IL19: variants seen among roughly 807,000 people sequenced by gnomAD.
IL19 encodes the protein interleukin-19.
A neutral mutation model predicts 19.5 loss-of-function variants in IL19; 15 were observed. The ratio of observed to expected loss-of-function variants is 0.77; its 90% CI spans 0.52 to 1.19. The LOEUF is 1.19. Ranked by LOEUF, IL19 falls within the 50% of genes most tolerant of loss-of-function variation. The probability of loss-of-function intolerance (pLI) is 0.00; values close to 1 mark genes in which losing one functional copy is unlikely to be tolerated. For missense variants in IL19, 199 were observed against 213.1 expected, an observed-to-expected ratio of 0.93 and a Z score of 0.41; for synonymous variants, 78 against 78.3, an observed-to-expected ratio of 1.00 and a Z score of 0.02.
chr1:206,819,390 C>A (rs1676238680), intron 2 of IL19, among the ~76,000 whole-genome samples: 1 of 151,816 alleles, frequency 6.6e-6, no homozygotes, highest in Admixed American at 6.6e-5. Flanking sequence ...TCCAGATCAG[C>A]CTGGCCAATA....
Position 206,842,853 on chromosome 1 carries a change from G to T in IL19, c.*231G>T. The T allele has an allele frequency of 2.3e-6, 1 of 441,312 alleles. No homozygotes were observed. Among genetic ancestry groups the T allele is most frequent in the Non-Finnish European group, 4.1e-6 (1 of 245,210 alleles). The allele number at this position is 441,312 out of a possible 1,614,324, so 27.3% of individuals were successfully genotyped here. A position where few individuals can be genotyped will look rare whatever the true frequency, so the allele number is the denominator to read the frequency against. On this transcript the variant is annotated 3_prime_UTR_variant, in exon 7 of 7. Coordinates refer to ENST00000659997, the MANE Select transcript of IL19 (RefSeq NM_153758.5). ...GCCTGCAGGCCATCCTGGGAGTAAA[G>T]GGCTGCCTTCCCATCTAATTTATTG...
At chr1:206,806,255 A>G (rs1329795948) in intron 2 of IL19, among the ~76,000 whole-genome samples, 2 of 152,184 alleles carry the variant, frequency 1.3e-5, no homozygotes, top group African/African-American at 4.8e-5. Flanking sequence ...GACTGCAAAT[A>G]AGGGAAATAT....
At chr1:206,784,898 C>G (rs1290697853) in intron 1 of IL19, among the ~76,000 whole-genome samples, 2 of 152,234 alleles carry the variant, frequency 1.3e-5, no homozygotes, top group Non-Finnish European at 2.9e-5. Context: ...TGTTGGTGTA[C>G]TTGGCTCCTG....
intron 2 of IL19, among the ~76,000 whole-genome samples, chr1:206,826,589 C>G (rs532982338): frequency 6.6e-6 from 1 of 152,320 alleles, no homozygotes; most frequent in African/African-American, 2.4e-5. Flanking sequence ...CCAGTCCACC[C>G]TCTCCTCCTC....
chr1:206,793,894 G>T (rs966990805), intron 1 of IL19, among the ~76,000 whole-genome samples: 3 of 152,170 alleles, frequency 2.0e-5, no homozygotes, highest in Non-Finnish European at 4.4e-5. Flanking sequence ...AAGAAAGAGG[G>T]GCTGAGTAGC....
intron 2 of IL19, among the ~76,000 whole-genome samples, chr1:206,804,328 A>G (rs1675791368): frequency 6.6e-6 from 1 of 152,180 alleles, no homozygotes; most frequent in East Asian, 1.9e-4. Flanking sequence ...GAACCTGGAG[A>G]TCCTTTCCAA....
intron 1 of IL19, 27 bp from the exon 2 acceptor site, chr1:206,798,834 G>A: frequency 7.8e-7 from 1 of 1,275,632 alleles, no homozygotes; most frequent in South Asian, 1.3e-5. Flanking sequence ...TTTTTGTAAT[G>A]ATGACTCTCT....
intron 1 of IL19, among the ~76,000 whole-genome samples, chr1:206,776,677 T>G (rs112740425): frequency 0.018 from 2,739 of 152,042 alleles, 83 homozygotes; most frequent in African/African-American, 0.062. Context: ...ACACGGGGCT[T>G]GCAACTTAGC....
At chr1:206,779,409 C>A (rs1335118971) in intron 1 of IL19, among the ~76,000 whole-genome samples, 2 of 152,092 alleles carry the variant, frequency 1.3e-5, no homozygotes, top group Admixed American at 1.3e-4. Flanking sequence ...AGTGTTGGCC[C>A]ACTGGACCCA....
At chr1:206,805,868 CA>C (rs1242319817) in intron 2 of IL19, among the ~76,000 whole-genome samples, 5 of 152,176 alleles carry the variant, frequency 3.3e-5, no homozygotes, top group Non-Finnish European at 7.4e-5. Flanking sequence ...AGGCTCAGTT[CA>C]AACCAGCTTA....
intron 6 of IL19, 93 bp downstream of exon 6, chr1:206,841,171 C>A: frequency 1.1e-6 from 1 of 937,788 alleles, no homozygotes; most frequent in Non-Finnish European, 1.7e-6. Flanking sequence ...TAAATTCATG[C>A]ATTCACTCTA....
At chr1:206,818,957 C>T (rs911081552) in intron 2 of IL19, among the ~76,000 whole-genome samples, 1 of 151,816 alleles carries the variant, frequency 6.6e-6, no homozygotes, top group Non-Finnish European at 1.5e-5. Context: ...GGATTACAGG[C>T]ACCTGCCACA....
rs113299424 is a variant in IL19 at position 206,817,653 on chromosome 1, A to G, written c.-3+18647A>G. Among the ~76,000 whole-genome samples the G allele has an allele frequency of 8.3e-3, 1,267 of 152,362 alleles. 21 individuals are homozygous for G. The highest frequency in any genetic ancestry group is 0.027 in the African/African-American group (1,131 of 41,586). ...AAAGAGGTAAATTTATCAAGAGGAC[A>G]TAACAGTCTTAAGTGTTTATGCACC... On this transcript the variant is annotated intron_variant, in intron 2 of 6. Coordinates refer to ENST00000659997, the MANE Select transcript of IL19 (RefSeq NM_153758.5).
chr1:206,775,161 G>A (rs1445013836), intron 1 of IL19, among the ~76,000 whole-genome samples: 1 of 151,646 alleles, frequency 6.6e-6, no homozygotes, highest in East Asian at 1.9e-4. Context: ...CTGCCTCAGC[G>A]TCCCGAGTAG....
At chr1:206,829,918 G>T (rs1168538808) in intron 2 of IL19, among the ~76,000 whole-genome samples, 2 of 152,222 alleles carry the variant, frequency 1.3e-5, no homozygotes, top group African/African-American at 4.8e-5. Flanking sequence ...AAGTGGCATA[G>T]GTGCCCAATG....
At chr1:206,799,532 G>A (rs1675625684) in intron 2 of IL19, among the ~76,000 whole-genome samples, 1 of 152,204 alleles carries the variant, frequency 6.6e-6, no homozygotes, top group African/African-American at 2.4e-5. Flanking sequence ...ACTCCTTTCT[G>A]CTTTTCTTGG....
At chr1:206,817,792 C>A (rs1026237591) in intron 2 of IL19, among the ~76,000 whole-genome samples, 2 of 148,338 alleles carry the variant, frequency 1.3e-5, no homozygotes, top group Middle Eastern at 3.3e-3. Flanking sequence ...GAGACAAAGT[C>A]TTTCTCTTTT....
chr1:206,818,874 A>G (rs1340915071), intron 2 of IL19, among the ~76,000 whole-genome samples: 3 of 145,108 alleles, frequency 2.1e-5, no homozygotes, highest in Non-Finnish European at 4.5e-5. Flanking sequence ...GTGCAGTGGC[A>G]TGATCTTGGC....
chr1:206,818,110 A>G (rs1263517503), intron 2 of IL19, among the ~76,000 whole-genome samples: 3 of 152,224 alleles, frequency 2.0e-5, no homozygotes, highest in Non-Finnish European at 4.4e-5. Context: ...AATCCATAGA[A>G]TAAGGAGGCA....
Sources: allele counts gnomAD v4.1 joint callset (sites outside exome capture counted in the v4.1 genomes callset), GRCh38; gene constraint gnomAD v4.1.1; transcripts MANE v1.5; gene names NCBI Gene and HGNC (gene_info 2026-07-23, HGNC 2026-07-21).